The following METTL16 variants were observed in gnomAD, a reference collection of about 807,000 sequenced individuals.
The protein encoded by METTL16 is RNA N(6)-adenosine-methyltransferase METTL16.
METTL16 carries 19 observed loss-of-function variants against 57.9 expected under a neutral mutation model. The observed-to-expected ratio is 0.33, with a 90% CI of 0.23 to 0.48. METTL16 has a LOEUF of 0.48. Ranked by LOEUF, METTL16 falls within the 20% of genes least tolerant of loss-of-function variation. METTL16 has a pLI of 0.99. For missense variants in METTL16, 434 were observed against 691.5 expected, an observed-to-expected ratio of 0.63 and a Z score of 4.18; for synonymous variants, 246 against 255.6, an observed-to-expected ratio of 0.96 and a Z score of 0.36.
intron 1 of METTL16, among the ~76,000 whole-genome samples, chr17:2,505,209 A>G (rs1300498220): frequency 6.6e-6 from 1 of 151,708 alleles, no homozygotes; most frequent in Non-Finnish European, 1.5e-5. Context: ...TATTTTCTTA[A>G]TATCTTTATT....
intron 2 of METTL16, among the ~76,000 whole-genome samples, chr17:2,487,111 A>C (rs766906726): frequency 6.6e-6 from 1 of 151,960 alleles, no homozygotes; most frequent in African/African-American, 2.4e-5. Context: ...CATCTGTGAG[A>C]TTTAGCAACG....
chr17:2,463,428 G>A (rs2067165087), intron 6 of METTL16, among the ~76,000 whole-genome samples: 2 of 152,130 alleles, frequency 1.3e-5, no homozygotes, highest in African/African-American at 2.4e-5. Flanking sequence ...TTCGCAGATT[G>A]TAGGAGCCAC....
At chr17:2,440,970 C>CAAAAAAAAAAAAAAAAAAAAAAAAAAAAA (rs760521188) in intron 7 of METTL16, among the ~76,000 whole-genome samples, 3 of 34,044 alleles carry the variant, frequency 8.8e-5, no homozygotes, top group African/African-American at 1.3e-4. Context: ...GACTTGATCT[C>CAAAAAAAAAAAAAAAAAAAAAAAAAAAAA]AAAAAAAAAA....
intron 8 of METTL16, among the ~76,000 whole-genome samples, chr17:2,435,491 C>A (rs1009730116): frequency 2.0e-5 from 3 of 152,126 alleles, no homozygotes; most frequent in Non-Finnish European, 4.4e-5. Flanking sequence ...TAAATAAAAA[C>A]CTCGTGAGTA....
Position 2,419,738 on chromosome 17 carries a change from T to C in METTL16, c.*232A>G, listed in dbSNP as rs1413418613. On this transcript the variant is annotated 3_prime_UTR_variant, in exon 10 of 10. Coordinates refer to ENST00000263092, the MANE Select transcript of METTL16 (RefSeq NM_024086.4). ...TCGGGAGTTTACTGAGGGCTTTCTG[T>C]TGTTACTGATGACCACAATTCCTCC... 8 of 687,088 alleles carry C rather than the reference T, an allele frequency of 1.2e-5. No homozygotes were observed. The highest frequency in any genetic ancestry group is 2.8e-5 in the East Asian group (1 of 35,284). 42.6% of individuals were successfully genotyped at this position (687,088 alleles called of 1,614,324 possible).
chr17:2,443,550 G>C lies in METTL16; in HGVS notation c.729-1991C>G, dbSNP rs374087586. 5.6e-4 allele frequency among the ~76,000 whole-genome samples: 83 copies of C among 148,756 alleles called. No individual in the cohort carries two copies. The East Asian group carries it at 0.015, about 27-fold the overall frequency. On this transcript the variant is annotated intron_variant, in intron 6 of 9. Transcript: ENST00000263092. ...CACCCAGGCTGGAGTGCAGTAGCAC[G>C]ATCTAGGCTCGCTGCAAGCTCCACC... is the stretch of plus-strand genomic sequence containing the variant.
At chr17:2,422,721 T>A (rs768800402) in intron 8 of METTL16, among the ~76,000 whole-genome samples, 1 of 151,360 alleles carries the variant, frequency 6.6e-6, no homozygotes, top group Non-Finnish European at 1.5e-5. Context: ...TGGTGGCTTA[T>A]GCCTGTAATC....
At chr17:2,446,808 C>T (rs1210287415) in intron 6 of METTL16, among the ~76,000 whole-genome samples, 1 of 152,154 alleles carries the variant, frequency 6.6e-6, no homozygotes, top group Non-Finnish European at 1.5e-5. Context: ...GTCTCCAGCT[C>T]CTAGCCGTGA....
intron 7 of METTL16, among the ~76,000 whole-genome samples, chr17:2,439,598 A>G (rs1007953569): frequency 5.3e-5 from 8 of 152,100 alleles, no homozygotes; most frequent in Non-Finnish European, 1.2e-4. Flanking sequence ...TCTATAAAGG[A>G]GTGAGTTGAA....
intron 2 of METTL16, among the ~76,000 whole-genome samples, chr17:2,494,460 G>A (rs2067425799): frequency 6.6e-6 from 1 of 152,190 alleles, no homozygotes; most frequent in South Asian, 2.1e-4. Flanking sequence ...TTTTCTAATA[G>A]CACGTGCCCA....
At position 2,464,702 on chromosome 17, in the gene METTL16, C is replaced by T. The variant is rs199955726; in HGVS notation, c.586-352G>A. On this transcript the variant is annotated intron_variant, in intron 5 of 9. Transcript: ENST00000263092. The stretch of plus-strand genomic sequence containing the variant: ...TACTTGTTTTTTCCTAGCATTTTCA[C>T]GGTTTTGCTTTTCACATTTAAATAT... 3.9e-4 allele frequency among the ~76,000 whole-genome samples: 59 copies of T among 152,270 alleles called. 1 individual carries two copies. In the South Asian group the frequency reaches 6.0e-3, roughly 16 times the overall value.
chr17:2,464,260 C>T lies in METTL16; in HGVS notation c.676G>A (p.Glu226Lys). Residue 226 changes from glutamate (E) to lysine (K), a missense_variant, in exon 6 of 10, where the codon GAG becomes AAG. Physicochemically the swap from Glu to Lys is moderately conservative, Grantham distance 56. Transcript: ENST00000263092. ...TCATGGATGATCCTTTTAACAAACT[C>T]TAATTCACCTCCTTCTGCCATGATC... is the stretch of plus-strand genomic sequence containing the variant. ...TEIMAEGGEL[E>K]FVKRIIHDSL... 1.2e-6 allele frequency: 2 copies of T among 1,614,060 alleles called. No individual in the cohort carries two copies. Among genetic ancestry groups the T allele is most frequent in the Non-Finnish European group, 1.7e-6 (2 of 1,179,978 alleles).
chr17:2,417,081 TTTTTG>T lies in METTL16; in HGVS notation c.*2884_*2888del, dbSNP rs1026925852. 2 of 136,880 alleles carry T rather than the reference TTTTTG, an allele frequency of 1.5e-5. No individual in the cohort carries two copies. The highest frequency in any genetic ancestry group is 5.6e-5 in the African/African-American group (2 of 35,936). The allele number at this position is 136,880 out of a possible 1,614,324, so 8.5% of individuals were successfully genotyped here. On this transcript the variant is annotated 3_prime_UTR_variant, in exon 10 of 10. Coordinates refer to ENST00000263092, the MANE Select transcript of METTL16 (RefSeq NM_024086.4). ...TCCTTTTTTTTTTTTTTTTTTTTTT[TTTTTG>T]AGACAGTCCCACTTTGTCGCCCAGG...
intron 8 of METTL16, among the ~76,000 whole-genome samples, chr17:2,429,370 T>C (rs1394666849): frequency 6.6e-6 from 1 of 150,380 alleles, no homozygotes; most frequent in African/African-American, 2.5e-5. Flanking sequence ...GTATTTTTAA[T>C]AGAGACGGGG....
At chr17:2,438,795 C>G (rs1315942525) in intron 7 of METTL16, among the ~76,000 whole-genome samples, 1 of 152,126 alleles carries the variant, frequency 6.6e-6, no homozygotes, top group Non-Finnish European at 1.5e-5. Context: ...CACCCAGCCT[C>G]AAGTGATTTT....
intron 3 of METTL16, among the ~76,000 whole-genome samples, chr17:2,474,557 C>A (rs1248414379): frequency 1.3e-5 from 2 of 152,146 alleles, no homozygotes; most frequent in African/African-American, 4.8e-5. Flanking sequence ...AAAAAACACT[C>A]TTTGACCACT....
chr17:2,490,131 A>AG lies in METTL16; in HGVS notation c.128+12072dup, dbSNP rs113952586. On this transcript the variant is annotated intron_variant, in intron 2 of 9. Transcript: ENST00000263092. ...AACAGATGCAGAGGAAAAGTCTGGA[A>AG]GGTAAGTAGGGACTCGATATGCACG... Among the ~76,000 whole-genome samples the AG allele has an allele frequency of 8.0e-3, 1,226 of 152,356 alleles. 15 individuals are homozygous for AG. The highest frequency in any genetic ancestry group is 0.028 in the African/African-American group (1,160 of 41,580).
At chr17:2,506,796 G>A (rs1244448887) in intron 1 of METTL16, among the ~76,000 whole-genome samples, 2 of 151,698 alleles carry the variant, frequency 1.3e-5, no homozygotes, top group South Asian at 2.1e-4. Flanking sequence ...AGTCTGGAAA[G>A]TGAGGAGCGT....
At chr17:2,476,630 C>T (rs1363444360) in intron 3 of METTL16, among the ~76,000 whole-genome samples, 1 of 152,174 alleles carries the variant, frequency 6.6e-6, no homozygotes, top group African/African-American at 2.4e-5. Context: ...TTACTGCTAT[C>T]TAGAAATTAG....
Sources: gnomAD v4.1 joint callset for allele counts (sites outside exome capture counted in the v4.1 genomes callset) on GRCh38, gnomAD v4.1.1 for gene constraint, MANE v1.5 for transcripts, NCBI Gene and HGNC (gene_info 2026-07-23, HGNC 2026-07-21) for gene names.